Variants in NOTCH3 observed in about 807,000 individuals in gnomAD.
NOTCH3 encodes notch receptor 3.
Under a neutral mutation model 213.3 loss-of-function variants are expected in NOTCH3, and 86 were observed. The ratio of observed to expected loss-of-function variants is 0.40; its 90% CI spans 0.34 to 0.48. The LOEUF is 0.48. NOTCH3 is among the 20% of genes least tolerant of loss of function. The pLI is 0.57. For missense variants in NOTCH3, 2,783 were observed against 3,272.6 expected, an observed-to-expected ratio of 0.85 and a Z score of 3.65; for synonymous variants, 1,354 against 1,355.9, an observed-to-expected ratio of 1.00 and a Z score of 0.03.
chr19:15,189,510 G>A (rs151186727), intron 6 of NOTCH3, 82 bp from the exon 7 acceptor site: 6 of 1,526,426 alleles, frequency 3.9e-6, no homozygotes, highest in African/African-American at 2.7e-5. Context: ...TTGTTTTGTC[G>A]TTGTTGTTGT....
intron 24 of NOTCH3, among the ~76,000 whole-genome samples, chr19:15,176,250 CCT>C (rs1210965599): frequency 1.3e-5 from 2 of 149,672 alleles, no homozygotes; most frequent in Non-Finnish European, 3.0e-5. Context: ...CTCACCTCAT[CCT>C]CCACCTCCCA....
Position 15,170,831 on chromosome 19 carries a change from G to A in NOTCH3, c.4737-6C>T, listed in dbSNP as rs377478976. On this transcript the variant is annotated splice_polypyrimidine_tract_variant and splice_region_variant and intron_variant, in intron 25 of 32. Transcript: ENST00000263388. ...TCTCCAGCATTACTACCGAGCTGCA[G>A]GGACAGCAGGGAGGGACCAGAGGGC... 45 of 1,612,812 alleles carry A rather than the reference G, an allele frequency of 2.8e-5. No homozygotes were observed. The African/African-American group carries it at 5.7e-4, about 21-fold the overall frequency.
At chr19:15,197,447 C>CCCCCCCCCCCCCCCCCA in intron 2 of NOTCH3, 53 bp downstream of exon 2, 1 of 707,590 alleles carries the variant, frequency 1.4e-6, no homozygotes, top group East Asian at 2.8e-5. Context: ...AATCGCCCCT[C>CCCCCCCCCCCCCCCCCA]CCCCCCGCCC....
In NOTCH3 at chr19:15,197,572, G is replaced by C. The variant is rs2046978842; in HGVS notation, c.125C>G (p.Pro42Arg). The C allele has an allele frequency of 6.2e-7, 1 of 1,611,086 alleles. No homozygotes were observed. The highest frequency in any genetic ancestry group is 1.7e-5 in the Admixed American group (1 of 59,940). Residue 42 changes from proline (P) to arginine (R), a missense_variant, in exon 2 of 33, where the codon CCT becomes CGT. This residue lies in a region of NOTCH3 where 708 missense variants were observed against 906.6 expected (regional missense o/e 0.78). Coordinates refer to ENST00000263388, the MANE Select transcript of NOTCH3 (RefSeq NM_000435.3). ...LLAGPGAAAP[P>R]CLDGSPCANG... ...TGCACACGGGCTTCCGTCCAGGCAAGGGGGGGCTGTGTGGGGGTGAAGGAA... is the reference window on the plus strand; with the variant it reads ...TGCACACGGGCTTCCGTCCAGGCAACGGGGGGCTGTGTGGGGGTGAAGGAA...
In NOTCH3 at chr19:15,179,433, AG is replaced by A. The variant is rs1263497902; in HGVS notation, c.3390del (p.Cys1131AlafsTer141). On this transcript the variant is annotated frameshift_variant, in exon 21 of 33. Transcript: ENST00000263388. LOFTEE classifies it high-confidence loss of function. ...EDDVDECASQ[P>X]CQHGGSCIDL... The stretch of plus-strand genomic sequence containing the variant: ...TCAATGCATGAACCCCCGTGCTGGC[AG>A]GGCTGGGAGGCACACTCGTCCACGT... 1 of 1,613,984 alleles carries A rather than the reference AG, an allele frequency of 6.2e-7. No homozygotes were observed. Among genetic ancestry groups the A allele is most frequent in the Non-Finnish European group, 8.5e-7 (1 of 1,180,050 alleles).
intron 24 of NOTCH3, 91 bp downstream of exon 24, chr19:15,177,434 G>A (rs2046800602): frequency 8.4e-7 from 1 of 1,195,660 alleles, no homozygotes; most frequent in Non-Finnish European, 1.2e-6. Flanking sequence ...GGGGCAAGTG[G>A]ATGGGCAGGT....
intron 20 of NOTCH3, 195 bp from the exon 21 acceptor site, chr19:15,179,691 G>A (rs1346662101): frequency 3.1e-6 from 2 of 637,350 alleles, no homozygotes; most frequent in South Asian, 1.8e-5. Flanking sequence ...AGACCAGCCT[G>A]GCCAACATGG....
chr19:15,197,698 G>T (rs2046980045), intron 1 of NOTCH3, 120 bp from the exon 2 acceptor site: 1 of 763,570 alleles, frequency 1.3e-6, no homozygotes, highest in Non-Finnish European at 2.1e-6. Context: ...GGGCGTCTCT[G>T]CGGGTGCAGG....
intron 28 of NOTCH3, among the ~76,000 whole-genome samples, chr19:15,168,157 C>T (rs1026174287): frequency 3.3e-5 from 5 of 152,150 alleles, no homozygotes; most frequent in African/African-American, 1.2e-4. Flanking sequence ...AGCTGGAAGG[C>T]TCTGGGCAAA....
intron 1 of NOTCH3, among the ~76,000 whole-genome samples, chr19:15,200,244 C>CTCCGGCTCGGAA (rs2047001679): frequency 6.6e-6 from 1 of 151,696 alleles, no homozygotes; most frequent in Admixed American, 6.5e-5. Flanking sequence ...GCCGCCGAGG[C>CTCCGGCTCGGAA]TCCGGCTCGG....
chr19:15,168,200 A>G (rs2046701722), intron 28 of NOTCH3, among the ~76,000 whole-genome samples: 1 of 152,142 alleles, frequency 6.6e-6, no homozygotes, highest in African/African-American at 2.4e-5. Context: ...TCATTGGCAA[A>G]ATCAGGATGA....
Position 15,184,419 on chromosome 19 carries a change from A to T in NOTCH3, c.2442T>A (p.Cys814Ter). ...GPRCQQDVDE[C>*]AGPAPCGPHG... ...GAGGGCCACAGGGTGCGGGGCCAGC[A>T]CACTCGTCCACATCCTGCTGGCATC... is the stretch of plus-strand genomic sequence containing the variant. The change falls in exon 16 of 33, where the codon TGT (cysteine) becomes TGA (stop). Residue 814 changes from cysteine (C) to a stop codon, truncating the protein, a stop_gained. Coordinates refer to ENST00000263388, the MANE Select transcript of NOTCH3 (RefSeq NM_000435.3). LOFTEE classifies it high-confidence loss of function. 6.2e-7 allele frequency: 1 copy of T among 1,613,820 alleles called. No homozygotes were observed. The highest frequency in any genetic ancestry group is 8.5e-7 in the Non-Finnish European group (1 of 1,179,896).
At position 15,178,936 on chromosome 19, in the gene NOTCH3, G is replaced by A. The variant is rs769660847; in HGVS notation, c.3724C>T (p.Arg1242Cys). The A allele has an allele frequency of 1.1e-5, 17 of 1,613,826 alleles. 1 individual carries two copies. Among genetic ancestry groups the A allele is most frequent in the Non-Finnish European group, 1.1e-5 (13 of 1,180,000 alleles). Residue 1242 changes from arginine (R) to cysteine (C), a missense_variant, in exon 23 of 33, where the codon CGC becomes TGC. By Grantham distance (180) the Arg-to-Cys change is radical (BLOSUM62 -3). Around this residue, in one of 6 missense-constraint regions of NOTCH3, gnomAD observed 861 missense variants for 909.1 expected, o/e 0.95. Coordinates refer to ENST00000263388, the MANE Select transcript of NOTCH3 (RefSeq NM_000435.3). ...CLCHAGFSGP[R>C]CQTVLSPCES... is the part of the protein sequence containing the mutation. The stretch of plus-strand genomic sequence containing the variant: ...CAGGGAGACAGGACAGTCTGACAGC[G>A]AGGACCTGAGCGAGCGGGAGCATGT...
At position 15,160,706 on chromosome 19, in the gene NOTCH3, C is replaced by A. The variant is rs2046632578; in HGVS notation, c.6922G>T (p.Gly2308Trp). The change falls in exon 33 of 33, where the codon GGG becomes TGG. Residue 2308 changes from glycine to tryptophan, a missense_variant. Transcript: ENST00000263388. ...SSLAQAQTQL[G>W]PQPEVTPKRQ... ...TTGGGGGTAACTTCCGGCTGGGGCCCCAGCTGGGTCTGGGCCTGAGCAAGG... is the reference window on the plus strand; with the variant it reads ...TTGGGGGTAACTTCCGGCTGGGGCCACAGCTGGGTCTGGGCCTGAGCAAGG... 1 of 1,614,058 alleles carries A rather than the reference C, an allele frequency of 6.2e-7. No homozygotes were observed. Among genetic ancestry groups the A allele is most frequent in the Admixed American group, 1.7e-5 (1 of 60,000 alleles).
Position 15,179,012 on chromosome 19 carries a change from C to T in NOTCH3, c.3718+13G>A, listed in dbSNP as rs201077354. ...AGGCGGGGTCCCAGGCCAGCCCCTT[C>T]GCCAACGCTTACCTGAGAAGCCAGC... On this transcript the variant is annotated intron_variant, in intron 22 of 32. Coordinates refer to ENST00000263388, the MANE Select transcript of NOTCH3 (RefSeq NM_000435.3). 3.7e-6 allele frequency: 6 copies of T among 1,614,208 alleles called. No homozygotes were observed. The East Asian group carries it at 1.1e-4, about 30-fold the overall frequency.
intron 1 of NOTCH3, among the ~76,000 whole-genome samples, chr19:15,199,861 G>A (rs1194284518): frequency 6.6e-6 from 1 of 151,998 alleles, no homozygotes; most frequent in Non-Finnish European, 1.5e-5. Flanking sequence ...CAGGGGCCTT[G>A]GCCCGCGCCC....
rs2145441557 is a variant in NOTCH3 at position 15,192,060 on chromosome 19, T to G, written c.579A>C (p.Leu193=). ...CQCPAGYTGP[L]CENPAVPCAP... is the part of the protein sequence containing the mutation. ...CACAGGGCACCGCGGGGTTCTCACA[T>G]AGTGGCCCTGTGTAGCCAGCTGGAC... is the stretch of plus-strand genomic sequence containing the variant. The change falls in exon 4 of 33, where the codon CTA becomes CTC. Residue 193 remains leucine, a synonymous_variant. Transcript: ENST00000263388. 5 of 1,613,060 alleles carry G rather than the reference T, an allele frequency of 3.1e-6. No homozygotes were observed. Among genetic ancestry groups the G allele is most frequent in the Non-Finnish European group, 4.2e-6 (5 of 1,179,976 alleles).
At chr19:15,188,909 T>A in intron 8 of NOTCH3, 80 bp downstream of exon 8, 1 of 1,436,322 alleles carries the variant, frequency 7.0e-7, no homozygotes, top group Non-Finnish European at 9.5e-7. Flanking sequence ...TACACCCCAT[T>A]CTGCTCAGCT....
chr19:15,172,687 A>G (rs2046744623), intron 25 of NOTCH3, among the ~76,000 whole-genome samples: 1 of 141,330 alleles, frequency 7.1e-6, no homozygotes, highest in African/African-American at 2.7e-5. Context: ...TTTTTTTGAG[A>G]CAGAGTCTGG....
Sources: gnomAD v4.1 joint callset for allele counts (sites outside exome capture counted in the v4.1 genomes callset) on GRCh38, gnomAD v4.1.1 for gene constraint, gnomAD v4.1.1 regional missense constraint, MANE v1.5 for transcripts, NCBI Gene and HGNC (gene_info 2026-07-23, HGNC 2026-07-21) for gene names.